PALLD: variants seen among roughly 807,000 people sequenced by gnomAD.
PALLD encodes the protein palladin.
PALLD carries 61 observed loss-of-function variants against 123.5 expected under a neutral mutation model. The ratio of observed to expected loss-of-function variants is 0.49; its 90% CI spans 0.40 to 0.61. PALLD has a LOEUF of 0.61. Among genes scored for constraint, PALLD ranks in the 20% least tolerant of loss-of-function variants. The pLI, the probability that PALLD is intolerant of heterozygous loss-of-function variation, is 0.00. For missense variants in PALLD, 1,273 were observed against 1,377.0 expected (o/e 0.92, Z 1.20); for synonymous variants, 465 against 496.4 (o/e 0.94, Z 0.84).
At chr4:168,781,692 T>C (rs1344357895) in intron 10 of PALLD, among the ~76,000 whole-genome samples, 1 of 151,992 alleles carries the variant, frequency 6.6e-6, no homozygotes. Context: ...ACCACTTTAG[T>C]AGGGCTGGTT....
In PALLD at chr4:168,820,255, G is replaced by A. The variant is rs567878506; in HGVS notation, c.1965-70667G>A. On this transcript the variant is annotated intron_variant, in intron 10 of 21. Transcript: ENST00000505667. ...CGTGCCAAATGCTTTCCAAAGTCTC[G>A]TTGAATCCTTGCAGCAATTAATCAG... Among the ~76,000 whole-genome samples, 6 of 152,294 alleles carry A rather than the reference G, an allele frequency of 3.9e-5. No homozygotes were observed. The East Asian group carries it at 5.8e-4, about 15-fold the overall frequency.
At chr4:168,849,487 A>C (rs147802922) in intron 10 of PALLD, among the ~76,000 whole-genome samples, 104 of 152,364 alleles carry the variant, frequency 6.8e-4, no homozygotes, top group African/African-American at 2.5e-3. Flanking sequence ...AAACTTCTTT[A>C]GTAACAATGC....
At chr4:168,562,560 G>A (rs1368907685) in intron 2 of PALLD, among the ~76,000 whole-genome samples, 1 of 152,204 alleles carries the variant, frequency 6.6e-6, no homozygotes, top group East Asian at 1.9e-4. Context: ...AAAGTAACCA[G>A]GACTACAGGA....
At chr4:168,600,001 ACG>A (rs757139452) in intron 2 of PALLD, among the ~76,000 whole-genome samples, 57 of 134,126 alleles carry the variant, frequency 4.2e-4, no homozygotes, top group African/African-American at 7.1e-4. Flanking sequence ...GTATACACAC[ACG>A]TATATACATA....
intron 1 of PALLD, among the ~76,000 whole-genome samples, chr4:168,508,448 C>T (rs6552860): frequency 0.66 from 99,631 of 152,010 alleles, 33,730 homozygotes; most frequent in East Asian, 0.86. Context: ...AAATACACTT[C>T]GAGTGGGTAA....
Position 168,604,430 on chromosome 4 carries a change from A to G in PALLD, c.909-63760A>G, listed in dbSNP as rs1772967370. ...AAATCTCATACATGGAACACGTAAC[A>G]TGGCCAGTTTAACAATCGGCCAAAC... On this transcript the variant is annotated intron_variant, in intron 2 of 21. Transcript: ENST00000505667. Among the ~76,000 whole-genome samples, 2 of 152,222 alleles carry G rather than the reference A, an allele frequency of 1.3e-5. 1 individual carries two copies. The highest frequency in any genetic ancestry group is 4.1e-4 in the South Asian group (2 of 4,832).
At chr4:168,917,991 G>T (rs1428713791) in intron 17 of PALLD, among the ~76,000 whole-genome samples, 4 of 152,068 alleles carry the variant, frequency 2.6e-5, no homozygotes, top group African/African-American at 9.7e-5. Flanking sequence ...ACGAGGTCAG[G>T]AGTTTGAGAC....
At position 168,916,036 on chromosome 4, in the gene PALLD, T is replaced by C. The variant is rs1389340256; in HGVS notation, c.2850+9T>C. ...GCAGAATGGACTGCAAAGTAAGATT[T>C]TGTTATTGCTTGCATATCCTATTGC... On this transcript the variant is annotated intron_variant, in intron 17 of 21. Coordinates refer to ENST00000505667, the MANE Select transcript of PALLD (RefSeq NM_001166108.2). The C allele has an allele frequency of 6.2e-7, 1 of 1,612,240 alleles. No homozygotes were observed.
chr4:168,877,941 CCTT>C, intron 10 of PALLD: 1 of 1,500,306 alleles, frequency 6.7e-7, no homozygotes, highest in Non-Finnish European at 8.9e-7. Flanking sequence ...TCCTCCGGCT[CCTT>C]CAACTACGCG....
chr4:168,627,243 C>G (rs939005059), intron 2 of PALLD, among the ~76,000 whole-genome samples: 1 of 152,212 alleles, frequency 6.6e-6, no homozygotes, highest in Non-Finnish European at 1.5e-5. Context: ...GGCACGGTGG[C>G]TCATGCCTCT....
At chr4:168,669,091 G>T (rs1779931440) in intron 3 of PALLD, among the ~76,000 whole-genome samples, 1 of 152,180 alleles carries the variant, frequency 6.6e-6, no homozygotes, top group South Asian at 2.1e-4. Flanking sequence ...ATTGATGAGT[G>T]CTCTGTTAAT....
chr4:168,738,621 G>GGTCA (rs998902430), intron 10 of PALLD, among the ~76,000 whole-genome samples: 2 of 148,148 alleles, frequency 1.3e-5, no homozygotes, highest in Non-Finnish European at 3.0e-5. Context: ...AGTAGAGACG[G>GGTCA]GGTTTCACCA....
At chr4:168,895,241 G>A (rs946960800) in intron 12 of PALLD, among the ~76,000 whole-genome samples, 7 of 152,116 alleles carry the variant, frequency 4.6e-5, no homozygotes, top group African/African-American at 1.4e-4. Flanking sequence ...AATTAGCCAG[G>A]TGTGGTGACG....
Position 168,898,601 on chromosome 4 carries a change from C to T in PALLD, c.2359C>T (p.Pro787Ser), listed in dbSNP as rs1200043720. The T allele has an allele frequency of 3.1e-6, 5 of 1,613,242 alleles. No individual in the cohort carries two copies. In the African/African-American group the frequency reaches 5.3e-5, roughly 17 times the overall value. Residue 787 changes from proline (P) to serine (S), a missense_variant, in exon 14 of 22, where the codon CCT becomes TCT. By Grantham distance (74) the Pro-to-Ser change is moderately conservative. Transcript: ENST00000505667. Reference sequence around the variant, plus strand: ...TGATGAAGTTCAGTATGGAGATGTGCCTGTGGAAAATGGAATGGCACCATT... The same window carrying T: ...TGATGAAGTTCAGTATGGAGATGTGTCTGTGGAAAATGGAATGGCACCATT... ...SGDEVQYGDV[P>S]VENGMAPFFE...
intron 10 of PALLD, among the ~76,000 whole-genome samples, chr4:168,799,607 A>G (rs1229883995): frequency 6.6e-6 from 1 of 152,222 alleles, no homozygotes; most frequent in Non-Finnish European, 1.5e-5. Context: ...GTGGATTGCA[A>G]TAATTCCTGT....
At chr4:168,907,773 A>G (rs1758112719) in intron 15 of PALLD, among the ~76,000 whole-genome samples, 2 of 152,172 alleles carry the variant, frequency 1.3e-5, no homozygotes, top group Non-Finnish European at 2.9e-5. Flanking sequence ...CCCTCCTAAT[A>G]GAATATCCTA....
intron 2 of PALLD, among the ~76,000 whole-genome samples, chr4:168,532,632 G>GA (rs374720597): frequency 1.3e-3 from 197 of 152,178 alleles, no homozygotes; most frequent in African/African-American, 4.4e-3. Flanking sequence ...AGGATTGTCT[G>GA]AAAAATCAGA....
At chr4:168,840,189 C>G (rs1218315704) in intron 10 of PALLD, among the ~76,000 whole-genome samples, 2 of 152,022 alleles carry the variant, frequency 1.3e-5, no homozygotes, top group East Asian at 3.9e-4. Flanking sequence ...TCACATTGCA[C>G]CATTTTGTTA....
intron 10 of PALLD, among the ~76,000 whole-genome samples, chr4:168,867,004 G>A (rs756415524): frequency 2.6e-5 from 4 of 152,180 alleles, no homozygotes; most frequent in Non-Finnish European, 5.9e-5. Context: ...AAGATAAGTC[G>A]TGGTGCTTTG....
Sources: allele counts gnomAD v4.1 joint callset (sites outside exome capture counted in the v4.1 genomes callset), GRCh38; gene constraint gnomAD v4.1.1; transcripts MANE v1.5; gene names NCBI Gene and HGNC (gene_info 2026-07-23, HGNC 2026-07-21).